SLC35B4: variants seen among roughly 807,000 people sequenced by gnomAD.
SLC35B4 encodes the protein solute carrier family 35 member B4, also known as nucleotide sugar transporter SLC35B4.
A neutral mutation model predicts 39.5 loss-of-function variants in SLC35B4; 28 were observed. The observed-to-expected ratio is 0.71, with a 90% CI of 0.53 to 0.97. SLC35B4 has a LOEUF of 0.97. Among genes scored for constraint, SLC35B4 ranks in the 50% least tolerant of loss-of-function variants. SLC35B4 has a pLI of 0.00. For synonymous variants in SLC35B4, 145 were observed against 150.4 expected (o/e 0.96, Z 0.26); for missense variants, 334 against 414.3 (o/e 0.81, Z 1.68).
At chr7:134,320,150 C>T (rs920964545), upstream of SLC35B4, among the ~76,000 whole-genome samples, 1 of 152,236 alleles carries the variant, frequency 6.6e-6, no homozygotes, top group Non-Finnish European at 1.5e-5. Flanking sequence ...CACTGTATTT[C>T]TCACTCAGGT....
In SLC35B4 at chr7:134,308,708, A is replaced by T. The variant is rs527437579; in HGVS notation, c.191+658T>A. ...AAATACTCACAACTGGATGGATTACACTTTTATCTCAAGTCACTCTCAGCA... is the reference window on the plus strand; with the variant it reads ...AAATACTCACAACTGGATGGATTACTCTTTTATCTCAAGTCACTCTCAGCA... On this transcript the variant is annotated intron_variant, in intron 2 of 9. Transcript: ENST00000378509. Among the ~76,000 whole-genome samples the T allele has an allele frequency of 2.3e-4, 35 of 152,298 alleles. No individual in the cohort carries two copies. In the South Asian group the frequency reaches 5.2e-3, roughly 23 times the overall value.
In SLC35B4 at chr7:134,289,464, G is replaced by A. The variant is rs1299373763; in HGVS notation, c.*5369C>T. The A allele has an allele frequency of 6.5e-6, 1 of 152,778 alleles. No homozygotes were observed. Among genetic ancestry groups the A allele is most frequent in the East Asian group, 1.9e-4 (1 of 5,182 alleles). 9.5% of individuals were successfully genotyped at this position (152,778 alleles called of 1,614,324 possible). On this transcript the variant is annotated 3_prime_UTR_variant, in exon 10 of 10. Transcript: ENST00000378509. Reference sequence around the variant, plus strand: ...AAATCTGAATACCCACTAATGTCTTGTAGCTGTTCTACGTACTCTCAGCTT... The same window carrying A: ...AAATCTGAATACCCACTAATGTCTTATAGCTGTTCTACGTACTCTCAGCTT...
rs1803310842 is a variant in SLC35B4 at position 134,290,567 on chromosome 7, G to A, written c.*4266C>T. Reference sequence around the variant, plus strand: ...AGACAACATGCTACTTTAAAGCCAAGAGGGGCCAGTCTCCCATTCCAGCTT... The same window carrying A: ...AGACAACATGCTACTTTAAAGCCAAAAGGGGCCAGTCTCCCATTCCAGCTT... On this transcript the variant is annotated 3_prime_UTR_variant, in exon 10 of 10. Coordinates refer to ENST00000378509, the MANE Select transcript of SLC35B4 (RefSeq NM_032826.5). 6.6e-6 allele frequency: 1 copy of A among 152,196 alleles called. No individual in the cohort carries two copies. Among genetic ancestry groups the A allele is most frequent in the Admixed American group, 6.6e-5 (1 of 15,260 alleles). 9.4% of individuals were successfully genotyped at this position (152,196 alleles called of 1,614,324 possible). A position where few individuals can be genotyped will look rare whatever the true frequency, so the allele number is the denominator to read the frequency against.
rs2117271682 is a variant in SLC35B4 at position 134,293,804 on chromosome 7, T to G, written c.*1029A>C. 1 of 152,704 alleles carries G rather than the reference T, an allele frequency of 6.5e-6. No homozygotes were observed. Among genetic ancestry groups the G allele is most frequent in the East Asian group, 1.9e-4 (1 of 5,214 alleles). 9.5% of individuals were successfully genotyped at this position (152,704 alleles called of 1,614,324 possible). A position where few individuals can be genotyped will look rare whatever the true frequency, so the allele number is the denominator to read the frequency against. ...CATAACAACCTTTCTTTTTTTTTTTTTTTTTTGAGATAGAGTCTCACTCTG... is the reference window on the plus strand; with the variant it reads ...CATAACAACCTTTCTTTTTTTTTTTGTTTTTTGAGATAGAGTCTCACTCTG... On this transcript the variant is annotated 3_prime_UTR_variant, in exon 10 of 10. Coordinates refer to ENST00000378509, the MANE Select transcript of SLC35B4 (RefSeq NM_032826.5).
chr7:134,316,600 T>G, intron 1 of SLC35B4, 75 bp downstream of exon 1: 1 of 1,479,576 alleles, frequency 6.8e-7, no homozygotes, highest in East Asian at 2.5e-5. Context: ...CGTGGGCGCG[T>G]CCCGGGGGGA....
chr7:134,293,564 G>A lies in SLC35B4; in HGVS notation c.*1269C>T, dbSNP rs913679751. The A allele has an allele frequency of 6.6e-6, 1 of 152,118 alleles. No individual in the cohort carries two copies. 9.4% of individuals were successfully genotyped at this position (152,118 alleles called of 1,614,324 possible). On this transcript the variant is annotated 3_prime_UTR_variant, in exon 10 of 10. Transcript: ENST00000378509. ...TCACACACTATATATCTCCATCTAT[G>A]CATTCCCTTGATGGGTCGTGACTCT...
At chr7:134,296,797 C>T (rs1338997055) in intron 8 of SLC35B4, among the ~76,000 whole-genome samples, 2 of 152,184 alleles carry the variant, frequency 1.3e-5, no homozygotes, top group African/African-American at 4.8e-5. Context: ...CTTAACAACT[C>T]AACACAAGAG....
chr7:134,309,237 ACTT>A (rs1803778086), intron 2 of SLC35B4, 126 bp downstream of exon 2: 3 of 582,396 alleles, frequency 5.2e-6, no homozygotes, highest in Non-Finnish European at 8.8e-6. Context: ...TCAGAAAATG[ACTT>A]ATTATTCTAC....
intron 1 of SLC35B4, among the ~76,000 whole-genome samples, chr7:134,314,039 AAAGAT>A (rs1417490240): frequency 8.3e-6 from 1 of 120,492 alleles, no homozygotes; most frequent in Non-Finnish European, 1.8e-5. Flanking sequence ...TTTACAAAAA[AAAGAT>A]AAGTGATGAT....
chr7:134,297,434 T>C (rs1173177044), intron 8 of SLC35B4, among the ~76,000 whole-genome samples: 3 of 152,166 alleles, frequency 2.0e-5, no homozygotes, highest in Non-Finnish European at 4.4e-5. Flanking sequence ...TAAAGTACTA[T>C]ACATAATAAA....
At chr7:134,316,634 C>G (rs1803985994) in intron 1 of SLC35B4, 41 bp downstream of exon 1, 5 of 1,545,204 alleles carry the variant, frequency 3.2e-6, no homozygotes, top group Non-Finnish European at 4.4e-6. Flanking sequence ...TTCCTCCGCC[C>G]CGCCCCGGGA....
intron 1 of SLC35B4, among the ~76,000 whole-genome samples, chr7:134,312,831 T>C (rs1016792195): frequency 6.6e-6 from 1 of 152,156 alleles, no homozygotes; most frequent in East Asian, 1.9e-4. Context: ...ATAAATGGCA[T>C]TTGCGGTTAC....
At chr7:134,302,795 A>C (rs1316697176) in intron 4 of SLC35B4, among the ~76,000 whole-genome samples, 1 of 152,092 alleles carries the variant, frequency 6.6e-6, no homozygotes, top group East Asian at 1.9e-4. Flanking sequence ...AAGAAGATGA[A>C]CCATCCCAGG....
chr7:134,316,982 A>C (rs969324437), upstream of SLC35B4: 138 of 554,734 alleles, frequency 2.5e-4, 3 homozygotes, highest in Non-Finnish European at 4.5e-5. Flanking sequence ...GGGGCGTCCG[A>C]GCCCCGGCCA....
At chr7:134,310,374 C>G (rs564385182) in intron 1 of SLC35B4, among the ~76,000 whole-genome samples, 26 of 152,234 alleles carry the variant, frequency 1.7e-4, no homozygotes, top group African/African-American at 6.3e-4. Flanking sequence ...CATCTTGAGG[C>G]ACTCTGAAAA....
At chr7:134,295,143 T>C in intron 9 of SLC35B4, 64 bp from the exon 10 acceptor site, 1 of 1,570,734 alleles carries the variant, frequency 6.4e-7, no homozygotes, top group Non-Finnish European at 8.6e-7. Flanking sequence ...GAGAGAACCT[T>C]CTGGCATGGT....
intron 2 of SLC35B4, 31 bp downstream of exon 2, chr7:134,309,335 A>G: frequency 6.9e-7 from 1 of 1,447,242 alleles, no homozygotes; most frequent in Non-Finnish European, 9.3e-7. Context: ...TAAAAAATCC[A>G]AAAGCTAAAA....
rs965509987 is a variant in SLC35B4, at chr7:134,299,668, A to G, written c.598-70T>C. On this transcript the variant is annotated intron_variant, in intron 7 of 9. Transcript: ENST00000378509. Reference sequence around the variant, plus strand: ...ATAGAATAATTAGAGTAGCTTTACAATGATTAAAAGTCGTACAGGTTGTTT... The same window carrying G: ...ATAGAATAATTAGAGTAGCTTTACAGTGATTAAAAGTCGTACAGGTTGTTT... 6 of 1,367,988 alleles carry G rather than the reference A, an allele frequency of 4.4e-6. No individual in the cohort carries two copies. The African/African-American group carries it at 5.8e-5, about 13-fold the overall frequency. 84.7% of individuals were successfully genotyped at this position (1,367,988 alleles called of 1,614,324 possible).
intron 8 of SLC35B4, among the ~76,000 whole-genome samples, chr7:134,298,910 T>C (rs968719986): frequency 1.4e-4 from 21 of 152,276 alleles, no homozygotes; most frequent in South Asian, 2.1e-4. Flanking sequence ...TGTTAGTAGA[T>C]AATCAGATCA....
Sources: allele counts gnomAD v4.1 joint callset (sites outside exome capture counted in the v4.1 genomes callset), GRCh38; gene constraint gnomAD v4.1.1; transcripts MANE v1.5; gene names NCBI Gene and HGNC (gene_info 2026-07-23, HGNC 2026-07-21).